The following A1CF variants were observed in gnomAD, a reference collection of about 807,000 sequenced individuals.
A1CF encodes the protein APOBEC1 complementation factor.
A1CF carries 48 observed loss-of-function variants against 68.9 expected under a neutral mutation model. The ratio of observed to expected loss-of-function variants is 0.70; its 90% confidence interval spans 0.55 to 0.89. The LOEUF is 0.89. Ranked by LOEUF, A1CF falls within the 40% of genes least tolerant of loss-of-function variation. The pLI is 0.00. For missense variants in A1CF, 653 were observed against 718.9 expected (o/e 0.91, Z 1.05); for synonymous variants, 272 against 260.4 (o/e 1.04, Z -0.43).
intron 6 of A1CF, among the ~76,000 whole-genome samples, chr10:50,831,449 C>T (rs1264823402): frequency 6.6e-6 from 1 of 152,154 alleles, no homozygotes; most frequent in African/African-American, 2.4e-5. Context: ...GGGCAAAAGG[C>T]CGGGCGTGGT....
chr10:50,837,662 A>G (rs1482219809), intron 5 of A1CF, among the ~76,000 whole-genome samples: 1 of 152,174 alleles, frequency 6.6e-6, no homozygotes, highest in African/African-American at 2.4e-5. Flanking sequence ...CTTGCGTACT[A>G]CATGCCAATA....
At chr10:50,855,936 T>A (rs1840458659) in intron 3 of A1CF, among the ~76,000 whole-genome samples, 1 of 152,010 alleles carries the variant, frequency 6.6e-6, no homozygotes, top group Admixed American at 6.6e-5. Context: ...AACTTGATGT[T>A]CTTAATGTTG....
intron 4 of A1CF, among the ~76,000 whole-genome samples, chr10:50,843,677 G>T (rs1417416990): frequency 6.6e-6 from 1 of 152,116 alleles, no homozygotes; most frequent in Non-Finnish European, 1.5e-5. Flanking sequence ...TTTTAGACAG[G>T]TTATTGTAGG....
chr10:50,805,216 TTA>T lies in A1CF; in HGVS notation c.*1511_*1512del, dbSNP rs1837765695. 2.0e-5 allele frequency: 3 copies of T among 152,344 alleles called. No individual in the cohort carries two copies. The South Asian group carries it at 6.2e-4, about 32-fold the overall frequency. The allele number at this position is 152,344 out of a possible 1,614,324, so 9.4% of individuals were successfully genotyped here. A position where few individuals can be genotyped will look rare whatever the true frequency, so the allele number is the denominator to read the frequency against. ...GACAAAATTTTCCATGTCTTTGTGT[TTA>T]TGTTTTCCTTTGTGTTCTGTAAATT... On this transcript the variant is annotated 3_prime_UTR_variant, in exon 13 of 13. Coordinates refer to ENST00000373997, the MANE Select transcript of A1CF (RefSeq NM_014576.4).
chr10:50,864,217 T>C (rs1448357035), intron 1 of A1CF, 137 bp from the exon 2 acceptor site: 1 of 152,122 alleles, frequency 6.6e-6, no homozygotes, highest in Admixed American at 6.5e-5. Flanking sequence ...CATTTGTGAA[T>C]TGGGGTGATG....
intron 7 of A1CF, among the ~76,000 whole-genome samples, chr10:50,825,382 G>A (rs1454090278): frequency 6.6e-6 from 1 of 152,104 alleles, no homozygotes; most frequent in African/African-American, 2.4e-5. Context: ...GCAAAAAAGA[G>A]CAGTCATGTT....
chr10:50,826,994 TAA>T, intron 7 of A1CF, among the ~76,000 whole-genome samples: 1 of 152,190 alleles, frequency 6.6e-6, no homozygotes, highest in East Asian at 1.9e-4. Context: ...TAGTCTCTGA[TAA>T]AAGAGACTTT....
chr10:50,808,393 A>G (rs1037543973), intron 12 of A1CF, among the ~76,000 whole-genome samples: 1 of 152,248 alleles, frequency 6.6e-6, no homozygotes, highest in Non-Finnish European at 1.5e-5. Context: ...ATCCTTTCCA[A>G]TGTGAAAGCA....
rs1837636588 is a variant in A1CF, at chr10:50,802,439, T to A, written c.*4290A>T. On this transcript the variant is annotated 3_prime_UTR_variant, in exon 13 of 13. Transcript: ENST00000373997. ...TTAACATTTTCTTTTTAAAAATATTTATCCAAAGTTTCCTTGTAGTGCTAT... is the reference window on the plus strand; with the variant it reads ...TTAACATTTTCTTTTTAAAAATATTAATCCAAAGTTTCCTTGTAGTGCTAT... 6.6e-6 allele frequency: 1 copy of A among 152,234 alleles called. No individual in the cohort carries two copies. Among genetic ancestry groups the A allele is most frequent in the Non-Finnish European group, 1.5e-5 (1 of 68,028 alleles). The allele number at this position is 152,234 out of a possible 1,614,324, so 9.4% of individuals were successfully genotyped here.
rs60807127 is a variant in A1CF, at chr10:50,863,269, C to T, written c.-46+764G>A. ...GTTGACCTAGTCTAAGGAGTGAACT[C>T]GAATCCCAGATAAATATTTCTTTTA... On this transcript the variant is annotated intron_variant, in intron 2 of 12. Transcript: ENST00000373997. Among the ~76,000 whole-genome samples, 1,063 of 152,244 alleles carry T rather than the reference C, an allele frequency of 7.0e-3. 5 individuals are homozygous for T. The highest frequency in any genetic ancestry group is 0.014 in the Middle Eastern group (4 of 294).
At position 50,806,718 on chromosome 10, in the gene A1CF, A is replaced by T; in HGVS notation, c.*11T>A. 1 of 1,572,206 alleles carries T rather than the reference A, an allele frequency of 6.4e-7. No individual in the cohort carries two copies. Among genetic ancestry groups the T allele is most frequent in the Non-Finnish European group, 8.6e-7 (1 of 1,164,760 alleles). On this transcript the variant is annotated 3_prime_UTR_variant, in exon 13 of 13. Transcript: ENST00000373997. The stretch of plus-strand genomic sequence containing the variant: ...TTTGTGTGTCTTATTCTTAAATTTA[A>T]AAAAGCATCTTCAGAAGGTGCCATA...
intron 3 of A1CF, among the ~76,000 whole-genome samples, chr10:50,852,146 T>A (rs1213486028): frequency 6.6e-6 from 1 of 152,212 alleles, no homozygotes; most frequent in Non-Finnish European, 1.5e-5. Context: ...GCTGATAAAA[T>A]AGAAAAAGTC....
chr10:50,828,313 C>T lies in A1CF; in HGVS notation c.605-18G>A. 1 of 1,511,724 alleles carries T rather than the reference C, an allele frequency of 6.6e-7. No individual in the cohort carries two copies. The allele number at this position is 1,511,724 out of a possible 1,614,324, so 93.6% of individuals were successfully genotyped here. On this transcript the variant is annotated intron_variant, in intron 6 of 12. Transcript: ENST00000373997. ...AATTCTTCCTGTTGAAAATGATCAC[C>T]ATTATGATTAATTATGTAGGAATCA...
intron 8 of A1CF, among the ~76,000 whole-genome samples, chr10:50,818,221 T>C (rs1838464281): frequency 6.6e-6 from 1 of 152,170 alleles, no homozygotes; most frequent in Non-Finnish European, 1.5e-5. Context: ...CTCTCACCTG[T>C]ATTAAAAAGT....
chr10:50,875,768 C>CT (rs1180490716), intron 1 of A1CF, among the ~76,000 whole-genome samples: 7 of 152,322 alleles, frequency 4.6e-5, no homozygotes, highest in African/African-American at 1.7e-4. Flanking sequence ...AATGTCACTG[C>CT]TTACTACCCT....
rs952998944 is a variant in A1CF, at chr10:50,806,022, A to G, written c.*707T>C. The stretch of plus-strand genomic sequence containing the variant: ...TTCTAGGGAAAAATAGGTGTGGACT[A>G]ATGAGCTGAATAAACAATGGGGCCT... On this transcript the variant is annotated 3_prime_UTR_variant, in exon 13 of 13. Coordinates refer to ENST00000373997, the MANE Select transcript of A1CF (RefSeq NM_014576.4). 2 of 152,214 alleles carry G rather than the reference A, an allele frequency of 1.3e-5. No individual in the cohort carries two copies. The highest frequency in any genetic ancestry group is 2.1e-4 in the South Asian group (1 of 4,830). 9.4% of individuals were successfully genotyped at this position (152,214 alleles called of 1,614,324 possible). A position where few individuals can be genotyped will look rare whatever the true frequency, so the allele number is the denominator to read the frequency against.
intron 5 of A1CF, among the ~76,000 whole-genome samples, chr10:50,840,580 G>A (rs534817094): frequency 6.6e-6 from 1 of 152,298 alleles, no homozygotes; most frequent in South Asian, 2.1e-4. Flanking sequence ...ACAATTTCAT[G>A]ATGTCAGTTT....
intron 7 of A1CF, among the ~76,000 whole-genome samples, chr10:50,826,997 A>C (rs1399684019): frequency 6.6e-6 from 1 of 152,202 alleles, no homozygotes; most frequent in Non-Finnish European, 1.5e-5. Flanking sequence ...TCTCTGATAA[A>C]AGAGACTTTA....
At chr10:50,862,352 T>G (rs1440138875) in intron 2 of A1CF, among the ~76,000 whole-genome samples, 1 of 151,212 alleles carries the variant, frequency 6.6e-6, no homozygotes, top group Non-Finnish European at 1.5e-5. Context: ...GGCAACAGAG[T>G]GAGACTCTGT....
Sources: allele counts gnomAD v4.1 joint callset (sites outside exome capture counted in the v4.1 genomes callset), GRCh38; gene constraint gnomAD v4.1.1; transcripts MANE v1.5; gene names NCBI Gene and HGNC (gene_info 2026-07-23, HGNC 2026-07-21).